FBN1: variants seen among roughly 807,000 people sequenced by gnomAD.
FBN1 encodes fibrillin-1.
Under a neutral mutation model 365.1 loss-of-function variants are expected in FBN1, and 29 were observed. The ratio of observed to expected loss-of-function variants is 0.08; its 90% CI spans 0.06 to 0.11. FBN1 has a LOEUF of 0.11. Ranked by LOEUF, FBN1 falls within the 10% of genes least tolerant of loss-of-function variation. FBN1 has a pLI of 1.00. For synonymous variants in FBN1, 1,210 were observed against 1,270.5 expected (o/e 0.95, Z 1.01); for missense variants, 2,476 against 3,703.2 (o/e 0.67, Z 8.60).
chr15:48,530,399 T>C (rs993905687), intron 8 of FBN1, among the ~76,000 whole-genome samples: 1 of 152,178 alleles, frequency 6.6e-6, no homozygotes, highest in African/African-American at 2.4e-5. Flanking sequence ...AACCCCCACA[T>C]AGCATCTTGT....
At chr15:48,554,938 T>C (rs538665918) in intron 6 of FBN1, among the ~76,000 whole-genome samples, 286 of 152,362 alleles carry the variant, frequency 1.9e-3, no homozygotes, top group Non-Finnish European at 2.8e-3. Flanking sequence ...ACTCTTTCTA[T>C]TCTATGACAA....
intron 2 of FBN1, among the ~76,000 whole-genome samples, chr15:48,640,141 T>C (rs1003437160): frequency 1.3e-5 from 2 of 152,186 alleles, no homozygotes; most frequent in Admixed American, 1.3e-4. Context: ...CTCATCTCAT[T>C]TCACCATAGG....
In FBN1 at chr15:48,616,960, T is replaced by G. The variant is rs79377596; in HGVS notation, c.165-3868A>C. 0.015 allele frequency among the ~76,000 whole-genome samples: 2,314 copies of G among 152,100 alleles called. 205 individuals carry two copies. The East Asian group carries it at 0.24, about 16-fold the overall frequency. Reference sequence around the variant, plus strand: ...GTCAAACAACCTGGCCAAGGTCACATAGCTTAGACGTGTCTAATGGAGATT... The same window carrying G: ...GTCAAACAACCTGGCCAAGGTCACAGAGCTTAGACGTGTCTAATGGAGATT... On this transcript the variant is annotated intron_variant, in intron 2 of 65. Coordinates refer to ENST00000316623, the MANE Select transcript of FBN1 (RefSeq NM_000138.5).
chr15:48,568,985 T>A (rs996356780), intron 6 of FBN1, among the ~76,000 whole-genome samples: 1 of 152,036 alleles, frequency 6.6e-6, no homozygotes, highest in Non-Finnish European at 1.5e-5. Context: ...AAAAGACTGA[T>A]AATTTAGACA....
chr15:48,463,556 A>G (rs1387438100), intron 41 of FBN1, among the ~76,000 whole-genome samples: 3 of 152,256 alleles, frequency 2.0e-5, no homozygotes, highest in Admixed American at 1.3e-4. Flanking sequence ...CCATTTGGCA[A>G]TAAGTTTCTC....
chr15:48,532,673 CAA>C (rs1332489177), intron 8 of FBN1, among the ~76,000 whole-genome samples: 1 of 152,024 alleles, frequency 6.6e-6, no homozygotes, highest in Non-Finnish European at 1.5e-5. Context: ...TTAATACACC[CAA>C]GACACCATTC....
intron 6 of FBN1, among the ~76,000 whole-genome samples, chr15:48,575,345 ATGTATGTATGTATGTATG>A (rs2044337163): frequency 6.6e-6 from 1 of 152,156 alleles, no homozygotes; most frequent in African/African-American, 2.4e-5. Flanking sequence ...GTATGTATGT[ATGTATGTATGTATGTATG>A]TATTTAGGGG....
chr15:48,513,660 C>T lies in FBN1; in HGVS notation c.1477G>A (p.Glu493Lys), dbSNP rs1281297180. The change falls in exon 13 of 66, where the codon GAA becomes AAA. Residue 493 changes from glutamate to lysine, a missense_variant. Around this residue, in one of 5 missense-constraint regions of FBN1, gnomAD observed 421 missense variants for 520.1 expected, o/e 0.81. Coordinates refer to ENST00000316623, the MANE Select transcript of FBN1 (RefSeq NM_000138.5). ...CCAGCACAGGGGTTTTTCTCACATT[C>T]ATCAACATCTGCAAAGCACAATGTA... ...DLRGECIDVD[E>K]CEKNPCAGGE... The T allele has an allele frequency of 6.2e-7, 1 of 1,613,990 alleles. No individual in the cohort carries two copies.
intron 6 of FBN1, among the ~76,000 whole-genome samples, chr15:48,544,628 A>G (rs776674034): frequency 1.2e-4 from 18 of 152,254 alleles, no homozygotes; most frequent in Non-Finnish European, 2.1e-4. Flanking sequence ...TCCAGGCCAT[A>G]GTTCTGTGGG....
chr15:48,410,785 A>G lies in FBN1; in HGVS notation c.*205T>C. On this transcript the variant is annotated 3_prime_UTR_variant, in exon 66 of 66. Coordinates refer to ENST00000316623, the MANE Select transcript of FBN1 (RefSeq NM_000138.5). Reference sequence around the variant, plus strand: ...ATATGACAAGGTAGCTTAGCTACACACATGAGAAGCCTGAGAAAGTGGTTG... The same window carrying G: ...ATATGACAAGGTAGCTTAGCTACACGCATGAGAAGCCTGAGAAAGTGGTTG... The G allele has an allele frequency of 1.7e-6, 1 of 579,990 alleles. No homozygotes were observed. 35.9% of individuals were successfully genotyped at this position (579,990 alleles called of 1,614,324 possible). A position where few individuals can be genotyped will look rare whatever the true frequency, so the allele number is the denominator to read the frequency against.
intron 11 of FBN1, among the ~76,000 whole-genome samples, 198 bp downstream of exon 11, chr15:48,515,985 G>A (rs1478855907): frequency 6.6e-6 from 1 of 152,118 alleles, no homozygotes; most frequent in Non-Finnish European, 1.5e-5. Context: ...TGGAGAATAG[G>A]AAGCCTCCCG....
chr15:48,642,055 A>C (rs1890207012), intron 2 of FBN1: 1 of 152,238 alleles, frequency 6.6e-6, no homozygotes, highest in African/African-American at 2.4e-5. Context: ...AGCCATCACT[A>C]GGGAACTGTT....
At chr15:48,613,934 C>G (rs994917665) in intron 2 of FBN1, among the ~76,000 whole-genome samples, 1 of 152,084 alleles carries the variant, frequency 6.6e-6, no homozygotes, top group Admixed American at 6.5e-5. Flanking sequence ...TCTCCAAAAA[C>G]AAAAAGTTTG....
intron 2 of FBN1, among the ~76,000 whole-genome samples, chr15:48,615,885 G>A (rs562819930): frequency 6.6e-6 from 1 of 152,208 alleles, no homozygotes; most frequent in Admixed American, 6.5e-5. Context: ...TACATGAGAA[G>A]AACAAAAAAC....
In FBN1 at chr15:48,537,603, G is replaced by A. The variant is rs753703175; in HGVS notation, c.736+8C>T. On this transcript the variant is annotated splice_region_variant and intron_variant, in intron 7 of 65. Transcript: ENST00000316623. The stretch of plus-strand genomic sequence containing the variant: ...AATCCATTAATAATTCCATCAGCCC[G>A]GGTTTACCTTGACAAGCTCCCGTGC... 1.3e-5 allele frequency: 21 copies of A among 1,614,006 alleles called. No individual in the cohort carries two copies. The highest frequency in any genetic ancestry group is 1.5e-5 in the Non-Finnish European group (18 of 1,180,020).
At position 48,515,519 on chromosome 15, in the gene FBN1, G is replaced by A; in HGVS notation, c.1336C>T (p.Pro446Ser). ...TGGCAGTAATCAGTAACGTTTACTGGCAGCACCCCTAGAAGAACATTAAGC... is the reference window on the plus strand; with the variant it reads ...TGGCAGTAATCAGTAACGTTTACTGACAGCACCCCTAGAAGAACATTAAGC... ...YPSREPPRVL[P>S]VNVTDYCQLV... Residue 446 changes from proline to serine, a missense_variant, in exon 12 of 66, where the codon CCA becomes TCA. Transcript: ENST00000316623. 1 of 1,613,914 alleles carries A rather than the reference G, an allele frequency of 6.2e-7. No homozygotes were observed. The highest frequency in any genetic ancestry group is 8.5e-7 in the Non-Finnish European group (1 of 1,179,864).
chr15:48,605,414 T>A (rs1207465609), intron 4 of FBN1, among the ~76,000 whole-genome samples: 1 of 152,100 alleles, frequency 6.6e-6, no homozygotes, highest in East Asian at 1.9e-4. Flanking sequence ...TACTCAAATT[T>A]GAAAACATTT....
At chr15:48,602,028 G>A (rs560367936) in intron 4 of FBN1, among the ~76,000 whole-genome samples, 2 of 152,194 alleles carry the variant, frequency 1.3e-5, no homozygotes, top group Non-Finnish European at 2.9e-5. Flanking sequence ...ATTTCTGAGT[G>A]CCTACTATGT....
At chr15:48,559,807 A>G (rs1352319225) in intron 6 of FBN1, among the ~76,000 whole-genome samples, 1 of 152,224 alleles carries the variant, frequency 6.6e-6, no homozygotes. Flanking sequence ...AACAATGAAC[A>G]AAATATATTG....
Sources: gnomAD v4.1 joint callset for allele counts (sites outside exome capture counted in the v4.1 genomes callset) on GRCh38, gnomAD v4.1.1 for gene constraint, gnomAD v4.1.1 regional missense constraint, MANE v1.5 for transcripts, NCBI Gene and HGNC (gene_info 2026-07-23, HGNC 2026-07-21) for gene names.